The following RNFT1 variants were observed in gnomAD, a reference collection of about 807,000 sequenced individuals.
RNFT1 encodes E3 ubiquitin-protein ligase RNFT1.
Under a neutral mutation model 53.2 loss-of-function variants are expected in RNFT1, and 35 were observed. The ratio of observed to expected loss-of-function variants is 0.66; its 90% CI spans 0.50 to 0.87. The LOEUF (loss-of-function observed/expected upper bound fraction) is 0.87. Ranked by LOEUF, RNFT1 falls within the 40% of genes least tolerant of loss-of-function variation. The pLI is 0.00. For missense variants in RNFT1, 421 were observed against 515.0 expected (o/e 0.82, Z 1.77); for synonymous variants, 141 against 172.8 (o/e 0.82, Z 1.44).
chr17:59,953,852 T>G (rs1022646887), intron 8 of RNFT1, 193 bp downstream of exon 8: 1 of 443,984 alleles, frequency 2.3e-6, no homozygotes, highest in Non-Finnish European at 4.0e-6. Flanking sequence ...TTCCCCTTCA[T>G]ACGCTCCTCT....
intron 1 of RNFT1, among the ~76,000 whole-genome samples, chr17:59,963,600 A>G (rs2045311759): frequency 6.6e-6 from 1 of 152,184 alleles, no homozygotes; most frequent in Non-Finnish European, 1.5e-5. Flanking sequence ...AATGAGCACC[A>G]GTCCTCACTG....
At chr17:59,961,913 T>G in intron 3 of RNFT1, among the ~76,000 whole-genome samples, 1 of 108,280 alleles carries the variant, frequency 9.2e-6, no homozygotes. Context: ...TGAGATGGAG[T>G]CTCGTTCTGT....
chr17:59,953,265 G>A (rs987653464), intron 8 of RNFT1, among the ~76,000 whole-genome samples, 154 bp from the exon 9 acceptor site: 2 of 150,526 alleles, frequency 1.3e-5, no homozygotes, highest in Non-Finnish European at 2.9e-5. Context: ...GCACCATCTC[G>A]GCTCACTGCA....
chr17:59,964,316 T>C (rs1424841527), intron 1 of RNFT1, among the ~76,000 whole-genome samples: 1 of 152,170 alleles, frequency 6.6e-6, no homozygotes. Flanking sequence ...CACTAAAGGC[T>C]TTCACCGAGG....
rs1159018316 is a variant in RNFT1, at chr17:59,952,793, A to T, written c.*184T>A. The stretch of plus-strand genomic sequence containing the variant: ...TTGCATATACATTAGGTTGAACATT[A>T]TATATATTTTAAAACACAGGGTGGT... On this transcript the variant is annotated 3_prime_UTR_variant, in exon 9 of 9. Transcript: ENST00000305783. 5 of 509,508 alleles carry T rather than the reference A, an allele frequency of 9.8e-6. No individual in the cohort carries two copies. In the East Asian group the frequency reaches 1.5e-4, roughly 16 times the overall value. The allele number at this position is 509,508 out of a possible 1,614,324, so 31.6% of individuals were successfully genotyped here.
intron 7 of RNFT1, 102 bp from the exon 8 acceptor site, chr17:59,954,248 C>T: frequency 1.2e-6 from 1 of 827,596 alleles, no homozygotes; most frequent in Non-Finnish European, 1.9e-6. Flanking sequence ...TGGAACCAGG[C>T]ATTTGAAAAA....
At chr17:59,961,023 T>C (rs554545627) in intron 3 of RNFT1, among the ~76,000 whole-genome samples, 157 of 150,172 alleles carry the variant, frequency 1.0e-3, no homozygotes, top group Non-Finnish European at 1.8e-3. Context: ...CCCAAGTAGT[T>C]GTAATCTCCC....
In RNFT1 at chr17:59,952,834, G is replaced by A; in HGVS notation, c.*143C>T. 3.0e-6 allele frequency: 2 copies of A among 665,058 alleles called. No individual in the cohort carries two copies. Among genetic ancestry groups the A allele is most frequent in the Non-Finnish European group, 4.8e-6 (2 of 413,710 alleles). The allele number at this position is 665,058 out of a possible 1,614,324, so 41.2% of individuals were successfully genotyped here. ...ACAGGGTGGTTTCATTTAATCTTTT[G>A]GTGAATTGGATCATAAGTCCTACAT... On this transcript the variant is annotated 3_prime_UTR_variant, in exon 9 of 9. Coordinates refer to ENST00000305783, the MANE Select transcript of RNFT1 (RefSeq NM_016125.4).
chr17:59,960,677 G>A (rs778578185), intron 3 of RNFT1, among the ~76,000 whole-genome samples: 3 of 151,846 alleles, frequency 2.0e-5, no homozygotes, highest in Non-Finnish European at 2.9e-5. Context: ...GCCAGGCGCC[G>A]TGGCACGTGC....
At chr17:59,957,610 TTGGGATGGGCAGATC>T (rs2045262032) in intron 5 of RNFT1, among the ~76,000 whole-genome samples, 1 of 152,064 alleles carries the variant, frequency 6.6e-6, no homozygotes, top group Admixed American at 6.5e-5. Flanking sequence ...TCCCAGCACT[TTGGGATGGGCAGATC>T]ACCTGAGGTC....
intron 6 of RNFT1, among the ~76,000 whole-genome samples, chr17:59,956,930 G>T (rs900098019): frequency 2.0e-5 from 3 of 152,184 alleles, no homozygotes; most frequent in Non-Finnish European, 4.4e-5. Context: ...AGAATTATGT[G>T]TATGACAATG....
In RNFT1 at chr17:59,963,076, C is replaced by G. The variant is rs1393188992; in HGVS notation, c.265G>C (p.Glu89Gln). Residue 89 changes from glutamate (E) to glutamine (Q), a missense_variant, in exon 2 of 9, where the codon GAA becomes CAA. Physicochemically the swap from Glu to Gln is conservative, Grantham distance 29. Coordinates refer to ENST00000305783, the MANE Select transcript of RNFT1 (RefSeq NM_016125.4). ...CTGGAGCTTGCATTTTCTGCACATT[C>G]TTTAGGTATGGAGTTTATCTGGATA... ...VHIQINSIPK[E>Q]CAENASSRNI... is the part of the protein sequence containing the mutation. 1.9e-6 allele frequency: 3 copies of G among 1,614,082 alleles called. No individual in the cohort carries two copies. The South Asian group carries it at 3.3e-5, about 18-fold the overall frequency.
rs2045226277 is a variant in RNFT1, at chr17:59,952,440, GTAAAT to G, written c.*532_*536del. 6.6e-6 allele frequency: 1 copy of G among 152,196 alleles called. No homozygotes were observed. Among genetic ancestry groups the G allele is most frequent in the African/African-American group, 2.4e-5 (1 of 41,396 alleles). 9.4% of individuals were successfully genotyped at this position (152,196 alleles called of 1,614,324 possible). A position where few individuals can be genotyped will look rare whatever the true frequency, so the allele number is the denominator to read the frequency against. On this transcript the variant is annotated 3_prime_UTR_variant, in exon 9 of 9. Transcript: ENST00000305783. ...ACAATACTATAATGTATCATCCTCA[GTAAAT>G]TAATCTTCACTTAGAAAATGTTACT... is the stretch of plus-strand genomic sequence containing the variant.
intron 8 of RNFT1, 95 bp downstream of exon 8, chr17:59,953,948 ATT>A (rs774062610): frequency 7.8e-3 from 4,644 of 592,276 alleles, no homozygotes; most frequent in South Asian, 0.01. Context: ...TAAACACTAG[ATT>A]TTTTTTTTTT....
chr17:59,958,051 A>G (rs2045265181), intron 5 of RNFT1, among the ~76,000 whole-genome samples: 1 of 152,212 alleles, frequency 6.6e-6, no homozygotes, highest in Non-Finnish European at 1.5e-5. Context: ...TTTCCCACAT[A>G]TGATGTGGGG....
At chr17:59,960,486 A>C (rs2045283177) in intron 3 of RNFT1, among the ~76,000 whole-genome samples, 1 of 150,258 alleles carries the variant, frequency 6.7e-6, no homozygotes, top group Non-Finnish European at 1.5e-5. Context: ...AAAAAAAAAA[A>C]AGAAGCCAGG....
chr17:59,953,336 T>A (rs1227913351), intron 8 of RNFT1, among the ~76,000 whole-genome samples: 4 of 152,104 alleles, frequency 2.6e-5, no homozygotes, highest in Non-Finnish European at 5.9e-5. Flanking sequence ...TTGCCGGGAT[T>A]ACAGGTGACC....
rs767839581 is a variant in RNFT1, at chr17:59,958,417, G to A, written c.720C>T (p.Asp240=). 1.3e-5 allele frequency: 21 copies of A among 1,578,758 alleles called. No individual in the cohort carries two copies. The Admixed American group carries it at 3.9e-4, about 30-fold the overall frequency. The change falls in exon 5 of 9, where the codon GAC becomes GAT. Residue 240 remains aspartate (D), a synonymous_variant. Coordinates refer to ENST00000305783, the MANE Select transcript of RNFT1 (RefSeq NM_016125.4). The stretch of plus-strand genomic sequence containing the variant: ...AAAATACTTCCCAGAAGCTCAAATG[G>A]TCCAAAGTAGGATTTAAAAAAATTA... ...YSLIFLNPTL[D]HLSFWEVFWI... is the part of the protein sequence containing the mutation.
chr17:59,955,151 C>T (rs570135052), intron 7 of RNFT1, among the ~76,000 whole-genome samples: 1 of 152,294 alleles, frequency 6.6e-6, no homozygotes, highest in African/African-American at 2.4e-5. Context: ...ACTAAAACGT[C>T]TCAGGCTAAC....
Sources: allele counts gnomAD v4.1 joint callset (sites outside exome capture counted in the v4.1 genomes callset), GRCh38; gene constraint gnomAD v4.1.1; transcripts MANE v1.5; gene names NCBI Gene and HGNC (gene_info 2026-07-23, HGNC 2026-07-21).